ANO6: variants seen among roughly 807,000 people sequenced by gnomAD.
The protein encoded by ANO6 is anoctamin-6.
In ANO6, 106 loss-of-function variants were observed where a neutral mutation model predicts 117.5. That is an observed-to-expected ratio of 0.90 (90% CI 0.77 to 1.06). The LOEUF is 1.06. Ranked by LOEUF, ANO6 falls within the 50% of genes least tolerant of loss-of-function variation. ANO6 has a pLI of 0.00. For missense variants in ANO6, 955 were observed against 1,121.1 expected, an observed-to-expected ratio of 0.85 and a Z score of 2.12; for synonymous variants, 367 against 385.1, an observed-to-expected ratio of 0.95 and a Z score of 0.55.
intron 2 of ANO6, among the ~76,000 whole-genome samples, chr12:45,319,068 C>A (rs942044235): frequency 6.6e-6 from 1 of 152,158 alleles, no homozygotes; most frequent in African/African-American, 2.4e-5. Context: ...CAAACAGGGA[C>A]AATTTGACTT....
intron 1 of ANO6, among the ~76,000 whole-genome samples, chr12:45,237,621 C>G (rs1218520481): frequency 6.6e-6 from 1 of 152,210 alleles, no homozygotes; most frequent in East Asian, 1.9e-4. Context: ...GTTTTGGTTA[C>G]TGTAGGCTTG....
chr12:45,385,458 G>A (rs1942272904), intron 10 of ANO6, among the ~76,000 whole-genome samples: 1 of 152,140 alleles, frequency 6.6e-6, no homozygotes. Context: ...AGTTTATCAA[G>A]GGGATGCAGA....
At chr12:45,311,296 G>C (rs1212848758) in intron 2 of ANO6, among the ~76,000 whole-genome samples, 1 of 152,074 alleles carries the variant, frequency 6.6e-6, no homozygotes, top group East Asian at 1.9e-4. Context: ...CCTAAGAGCA[G>C]AGAGTAATGA....
intron 12 of ANO6, among the ~76,000 whole-genome samples, chr12:45,391,948 G>T (rs1208499132): frequency 1.3e-5 from 2 of 152,232 alleles, no homozygotes; most frequent in Admixed American, 6.5e-5. Context: ...CAGAAGACGG[G>T]TAATTTCTGC....
rs751784217 is a variant in ANO6, at chr12:45,357,320, C to G, written c.894C>G (p.Tyr298Ter). ...ACTATGGAGAGAAGATTGGAATCTACTTTGCTTGGCTGGGCTATTACACTC... is the reference window on the plus strand; with the variant it reads ...ACTATGGAGAGAAGATTGGAATCTAGTTTGCTTGGCTGGGCTATTACACTC... ...RKYYGEKIGI[Y>*]FAWLGYYTQM... Residue 298 changes from tyrosine to a stop codon, truncating the protein, a stop_gained, in exon 8 of 20, where the codon TAC becomes TAG. Transcript: ENST00000320560. LOFTEE classifies it high-confidence loss of function. 3 of 1,613,998 alleles carry G rather than the reference C, an allele frequency of 1.9e-6. No individual in the cohort carries two copies. The South Asian group carries it at 3.3e-5, about 18-fold the overall frequency.
chr12:45,349,212 C>T (rs1296832128), intron 6 of ANO6, among the ~76,000 whole-genome samples: 10 of 152,184 alleles, frequency 6.6e-5, no homozygotes, highest in African/African-American at 2.2e-4. Context: ...TCTCATTTAT[C>T]ATTTTCTGCA....
chr12:45,312,215 C>G (rs183246121), intron 2 of ANO6, among the ~76,000 whole-genome samples: 61 of 152,142 alleles, frequency 4.0e-4, no homozygotes, highest in Non-Finnish European at 5.9e-4. Context: ...TACCATGGAA[C>G]TCATTTGATT....
At chr12:45,384,202 G>A (rs1376336112) in intron 10 of ANO6, among the ~76,000 whole-genome samples, 1 of 152,182 alleles carries the variant, frequency 6.6e-6, no homozygotes, top group African/African-American at 2.4e-5. Flanking sequence ...CCTTCATAGA[G>A]TGGAAGGGGG....
At chr12:45,216,761 T>G (rs1221052522) in intron 1 of ANO6, among the ~76,000 whole-genome samples, 2 of 152,224 alleles carry the variant, frequency 1.3e-5, no homozygotes, top group East Asian at 1.9e-4. Context: ...GCCTCGGCAC[T>G]GGGGCGAGCC....
At chr12:45,275,682 G>A (rs79197686) in intron 1 of ANO6, among the ~76,000 whole-genome samples, 1 of 152,204 alleles carries the variant, frequency 6.6e-6, no homozygotes, top group Admixed American at 6.5e-5. Context: ...CAATGGATAC[G>A]TTTCTATCTT....
At chr12:45,312,911 A>G (rs989188082) in intron 2 of ANO6, among the ~76,000 whole-genome samples, 11 of 152,092 alleles carry the variant, frequency 7.2e-5, no homozygotes, top group Admixed American at 6.6e-4. Flanking sequence ...ATAAAATTTG[A>G]TTGCAAATTT....
chr12:45,245,945 CAAA>C (rs560906864), intron 1 of ANO6, among the ~76,000 whole-genome samples: 2 of 100,758 alleles, frequency 2.0e-5, no homozygotes, highest in Non-Finnish European at 4.6e-5. Flanking sequence ...ACATTTTAGT[CAAA>C]AAAAAAAAAA....
At chr12:45,370,998 T>A (rs1218264591) in intron 9 of ANO6, among the ~76,000 whole-genome samples, 1 of 152,128 alleles carries the variant, frequency 6.6e-6, no homozygotes, top group Non-Finnish European at 1.5e-5. Flanking sequence ...GGTCAGTGGG[T>A]GCACGCACCG....
intron 1 of ANO6, among the ~76,000 whole-genome samples, chr12:45,224,256 G>A (rs1388676160): frequency 2.6e-5 from 4 of 152,194 alleles, no homozygotes; most frequent in Non-Finnish European, 5.9e-5. Flanking sequence ...AGACAGGTGA[G>A]GGCATGGGGC....
intron 2 of ANO6, among the ~76,000 whole-genome samples, chr12:45,303,096 T>A (rs1939551355): frequency 6.6e-6 from 1 of 152,194 alleles, no homozygotes; most frequent in African/African-American, 2.4e-5. Flanking sequence ...TGCTCTGGAC[T>A]GAAAAGGGAT....
downstream of ANO6, among the ~76,000 whole-genome samples, chr12:45,433,986 C>A (rs1369604381): frequency 1.3e-5 from 2 of 152,202 alleles, no homozygotes; most frequent in Non-Finnish European, 1.5e-5. Flanking sequence ...GCCCTTTAAA[C>A]CCCTTGCCTC....
intron 1 of ANO6, among the ~76,000 whole-genome samples, chr12:45,289,515 G>A (rs1376950866): frequency 2.0e-5 from 3 of 152,142 alleles, no homozygotes; most frequent in Non-Finnish European, 4.4e-5. Context: ...TACCCAAAAA[G>A]CTTATACCAC....
chr12:45,432,245 T>G lies in ANO6; in HGVS notation c.*2934T>G. On this transcript the variant is annotated 3_prime_UTR_variant, in exon 20 of 20. Transcript: ENST00000320560. ...GTAAAGTTTGTAATTAATGTTAATT[T>G]CTGTGCATTTTAATATTCTTTTATA... The G allele has an allele frequency of 1.0e-6, 1 of 975,310 alleles. No individual in the cohort carries two copies. The highest frequency in any genetic ancestry group is 1.2e-6 in the Non-Finnish European group (1 of 821,066). The allele number at this position is 975,310 out of a possible 1,614,324, so 60.4% of individuals were successfully genotyped here.
chr12:45,388,113 A>G (rs1286480307), intron 10 of ANO6, 48 bp from the exon 11 acceptor site: 1 of 1,609,578 alleles, frequency 6.2e-7, no homozygotes, highest in Non-Finnish European at 8.5e-7. Context: ...TTTCTGAAAC[A>G]TCAGTCATCA....
Sources: allele counts gnomAD v4.1 joint callset (sites outside exome capture counted in the v4.1 genomes callset), GRCh38; gene constraint gnomAD v4.1.1; transcripts MANE v1.5; gene names NCBI Gene and HGNC (gene_info 2026-07-23, HGNC 2026-07-21).